The following EMC3 variants were observed in gnomAD, a reference collection of about 807,000 sequenced individuals.
EMC3 encodes the protein ER membrane protein complex subunit 3.
In EMC3, 13 loss-of-function variants were observed where a neutral mutation model predicts 36.6. The ratio of observed to expected loss-of-function variants is 0.35; its 90% CI spans 0.23 to 0.56. EMC3 has a LOEUF of 0.56. EMC3 is among the 20% of genes least tolerant of loss of function. The pLI is 0.84. For missense variants in EMC3, 220 were observed against 324.5 expected, an observed-to-expected ratio of 0.68 and a Z score of 2.47; for synonymous variants, 120 against 111.9, an observed-to-expected ratio of 1.07 and a Z score of -0.46.
At chr3:9,969,250 G>A in intron 7 of EMC3, 1 of 922,580 alleles carries the variant, frequency 1.1e-6, no homozygotes, top group African/African-American at 1.8e-5. Flanking sequence ...GTGAGCCCCT[G>A]TGCCTGGCCG....
At chr3:9,976,298 G>A (rs1559351566) in intron 3 of EMC3, among the ~76,000 whole-genome samples, 2 of 152,042 alleles carry the variant, frequency 1.3e-5, no homozygotes, top group Non-Finnish European at 2.9e-5. Context: ...TAGAGACGGG[G>A]TTTCATCATG....
At chr3:9,985,910 AATAG>A (rs1013373577) in intron 1 of EMC3, among the ~76,000 whole-genome samples, 11 of 152,180 alleles carry the variant, frequency 7.2e-5, no homozygotes, top group Non-Finnish European at 2.9e-5. Flanking sequence ...TAAGCAAATA[AATAG>A]ATAAATAAAT....
intron 7 of EMC3, chr3:9,969,115 G>A (rs549102267): frequency 2.9e-4 from 47 of 163,458 alleles, no homozygotes; most frequent in Non-Finnish European, 5.5e-4. Flanking sequence ...GTGAGCCACC[G>A]CACCTGGCCC....
chr3:9,971,909 G>A (rs2085789650), intron 5 of EMC3, among the ~76,000 whole-genome samples: 1 of 152,110 alleles, frequency 6.6e-6, no homozygotes, highest in South Asian at 2.1e-4. Flanking sequence ...GAAGCCACAG[G>A]CAAGAGTCTG....
intron 1 of EMC3, among the ~76,000 whole-genome samples, chr3:9,997,451 G>GT (rs753716270): frequency 6.6e-6 from 1 of 152,124 alleles, no homozygotes; most frequent in Non-Finnish European, 1.5e-5. Context: ...TCCATTCTTT[G>GT]TTTTTGTTGT....
At chr3:9,982,356 C>T (rs189244287) in intron 1 of EMC3, among the ~76,000 whole-genome samples, 470 of 150,942 alleles carry the variant, frequency 3.1e-3, no homozygotes, top group African/African-American at 0.011. Flanking sequence ...CCAGTTCAAG[C>T]GATTCTCCTG....
chr3:9,982,627 C>A (rs944410305), intron 1 of EMC3, among the ~76,000 whole-genome samples: 1 of 151,872 alleles, frequency 6.6e-6, no homozygotes, highest in Admixed American at 6.6e-5. Flanking sequence ...GTGGCTCATG[C>A]CTATAATCCC....
At chr3:9,970,121 T>C (rs2085770253) in intron 6 of EMC3, among the ~76,000 whole-genome samples, 2 of 152,278 alleles carry the variant, frequency 1.3e-5, no homozygotes, top group African/African-American at 4.8e-5. Flanking sequence ...CATCTGTTCC[T>C]AACAACCCCA....
At chr3:10,008,351 C>T (rs1559361750) in intron 1 of EMC3, 10 of 1,326,652 alleles carry the variant, frequency 7.5e-6, no homozygotes, top group Non-Finnish European at 8.1e-6. Flanking sequence ...GGAAGGGGCT[C>T]CAGGCACCAG....
intron 1 of EMC3, chr3:10,007,201 G>C: frequency 1.1e-5 from 9 of 830,658 alleles, no homozygotes; most frequent in Non-Finnish European, 1.5e-5. Flanking sequence ...CAAATCATTA[G>C]TAGTGGCTCT....
chr3:9,970,927 C>CT (rs35290702), intron 5 of EMC3, among the ~76,000 whole-genome samples: 33,262 of 146,844 alleles, frequency 0.23, 4,239 homozygotes, highest in African/African-American at 0.35. Context: ...GTGTTCCATA[C>CT]TTTTTTTTTT....
intron 1 of EMC3, among the ~76,000 whole-genome samples, chr3:9,980,562 T>G (rs537325878): frequency 1.3e-5 from 2 of 149,308 alleles, no homozygotes; most frequent in East Asian, 2.0e-4. Context: ...TTGTTTTTTT[T>G]TTTTTTGTAG....
upstream of EMC3, among the ~76,000 whole-genome samples, chr3:9,989,918 AGT>A (rs1377585946): frequency 7.3e-5 from 11 of 150,934 alleles, no homozygotes; most frequent in African/African-American, 2.7e-4. Context: ...TAAGAGAAGT[AGT>A]AAAATTTGTT....
chr3:10,004,390 T>C (rs1173932484), intron 1 of EMC3: 2 of 152,228 alleles, frequency 1.3e-5, no homozygotes. Context: ...AGAACCTATC[T>C]GTGGCAATCA....
chr3:10,001,011 TCTTTA>T (rs2124936874), intron 1 of EMC3: 1 of 244,284 alleles, frequency 4.1e-6, no homozygotes, highest in African/African-American at 2.2e-5. Context: ...GACAACCCAC[TCTTTA>T]CTTTTTTTGT....
At chr3:10,002,895 C>T (rs1466112146) in intron 1 of EMC3, 1 of 456,622 alleles carries the variant, frequency 2.2e-6, no homozygotes, top group Non-Finnish European at 4.4e-6. Context: ...ACCCCATGGC[C>T]TTCCCCTCCA....
chr3:9,991,941 T>C (rs1011876764), intron 1 of EMC3, among the ~76,000 whole-genome samples: 6 of 152,204 alleles, frequency 3.9e-5, no homozygotes, highest in Admixed American at 2.6e-4. Flanking sequence ...CAATGGGGTT[T>C]GCGCTCCCGT....
At chr3:9,969,349 C>T (rs889620648) in intron 7 of EMC3, 27 of 1,106,224 alleles carry the variant, frequency 2.4e-5, no homozygotes, top group Admixed American at 5.1e-5. Flanking sequence ...ATTCTAGAAC[C>T]TTTTTGTGAA....
upstream of EMC3, chr3:9,988,544 G>A (rs1243256070): frequency 4.5e-6 from 4 of 888,342 alleles, no homozygotes; most frequent in South Asian, 2.6e-5. Flanking sequence ...ATGTATAACT[G>A]AGGTAGATTG....
Sources: gnomAD v4.1 joint callset for allele counts (sites outside exome capture counted in the v4.1 genomes callset) on GRCh38, gnomAD v4.1.1 for gene constraint, MANE v1.5 for transcripts, NCBI Gene and HGNC (gene_info 2026-07-23, HGNC 2026-07-21) for gene names.